Variants in XIST observed in about 807,000 individuals in gnomAD.
XIST encodes X inactive specific transcript (non-protein coding).
At chrX:73,842,690 A>C (rs1490903821) in exon 1 of XIST, 4 of 558,271 alleles carry the variant, frequency 7.2e-6, no homozygotes, top group Non-Finnish European at 1.3e-5. Flanking sequence ...TGCGAAAGGA[A>C]GTAGAGGGGT....
At chrX:73,829,175 G>T in exon 5 of XIST, 2 of 558,641 alleles carry the variant, frequency 3.6e-6, no homozygotes, top group Non-Finnish European at 6.5e-6. Context: ...TGAAGACTCA[G>T]CTCTCTGCAC....
chrX:73,844,403 G>C (rs1214380497), exon 1 of XIST: 1 of 556,618 alleles, frequency 1.8e-6, no homozygotes, highest in Non-Finnish European at 3.2e-6. Flanking sequence ...CCCTTATCTA[G>C]TACACAAGAA....
At chrX:73,852,535 T>C (rs779359072) in exon 1 of XIST, 18 of 530,289 alleles carry the variant, frequency 3.4e-5, no homozygotes, top group Non-Finnish European at 6.0e-5. Context: ...GGAGGACGTG[T>C]CAAGAAGACA....
intron 5 of XIST, chrX:73,828,709 A>T (rs1431959169): frequency 1.6e-5 from 2 of 124,568 alleles, no homozygotes; most frequent in African/African-American, 6.4e-5. Context: ...AACTGACGAC[A>T]GAGTCTCTCA....
exon 6 of XIST, chrX:73,827,383 C>T (rs749328226): frequency 4.7e-5 from 26 of 555,561 alleles, no homozygotes; most frequent in Non-Finnish European, 1.6e-5. Context: ...CATGAAGAGG[C>T]TGAAATACTC....
exon 1 of XIST, chrX:73,848,646 T>C (rs748676697): frequency 7.2e-6 from 4 of 556,539 alleles, no homozygotes; most frequent in African/African-American, 4.5e-5. Context: ...AGAGCTGTTA[T>C]TGAATAATCT....
At chrX:73,849,673 A>T (rs1922863710) in exon 1 of XIST, 1 of 558,443 alleles carries the variant, frequency 1.8e-6, no homozygotes, top group East Asian at 3.2e-5. Flanking sequence ...ATTAACTGAA[A>T]ATGGTCAAGG....
exon 1 of XIST, chrX:73,848,923 C>G (rs928817793): frequency 1.8e-6 from 1 of 554,471 alleles, no homozygotes; most frequent in African/African-American, 2.2e-5. Context: ...AGTGGGTCTT[C>G]TCTGTTACGC....
chrX:73,851,008 C>T, exon 1 of XIST: 1 of 559,535 alleles, frequency 1.8e-6, no homozygotes, highest in Non-Finnish European at 3.2e-6. Flanking sequence ...TGGCTAAAGA[C>T]AGCTGCGAAG....
At chrX:73,850,873 A>T in exon 1 of XIST, 1 of 542,898 alleles carries the variant, frequency 1.8e-6, no homozygotes, top group Non-Finnish European at 3.3e-6. Context: ...AGCACTGGAC[A>T]GGAGGGGACA....
At chrX:73,851,553 T>A (rs1418130779) in exon 1 of XIST, 1 of 559,129 alleles carries the variant, frequency 1.8e-6, no homozygotes, top group Non-Finnish European at 3.2e-6. Context: ...AATGTCAAAA[T>A]CGCCATTTTA....
At chrX:73,826,884 G>A in exon 6 of XIST, 1 of 558,677 alleles carries the variant, frequency 1.8e-6, no homozygotes, top group Non-Finnish European at 3.2e-6. Flanking sequence ...GGCCTTCCAT[G>A]TGTCCTGTCC....
At chrX:73,849,982 T>C (rs777902730) in exon 1 of XIST, 30 of 555,078 alleles carry the variant, frequency 5.4e-5, no homozygotes, top group Non-Finnish European at 9.7e-5. Context: ...AACGAAAAAT[T>C]GAAATACTCC....
At chrX:73,846,557 G>A (rs767117382) in exon 1 of XIST, 5 of 557,331 alleles carry the variant, frequency 9.0e-6, no homozygotes, top group African/African-American at 2.2e-5. Context: ...AGCAGTGTGC[G>A]ATTACGCACA....
At chrX:73,827,748 T>C in exon 6 of XIST, 1 of 545,822 alleles carries the variant, frequency 1.8e-6, no homozygotes, top group East Asian at 3.3e-5. Context: ...AAAGGAGACA[T>C]GAAATAAAGC....
exon 6 of XIST, chrX:73,826,745 G>A (rs759319563): frequency 7.2e-6 from 4 of 558,344 alleles, no homozygotes; most frequent in South Asian, 2.2e-5. Context: ...TACCTTTTTC[G>A]CTTGGGTCCT....
At chrX:73,842,566 C>G (rs751919661) in exon 1 of XIST, 1 of 558,870 alleles carries the variant, frequency 1.8e-6, no homozygotes, top group Non-Finnish European at 3.2e-6. Flanking sequence ...ACTGCACCAA[C>G]ACACCAAAGT....
At chrX:73,847,390 G>A in exon 1 of XIST, 1 of 513,761 alleles carries the variant, frequency 1.9e-6, no homozygotes, top group Non-Finnish European at 3.5e-6. Context: ...TGGGATTCCA[G>A]GGCAATTGTC....
exon 1 of XIST, chrX:73,851,476 G>A (rs901122832): frequency 1.8e-6 from 1 of 557,114 alleles, no homozygotes; most frequent in African/African-American, 2.2e-5. Context: ...TGAACACTGC[G>A]ACAGAACTGG....
Sources: allele counts gnomAD v4.1 joint callset, GRCh38; gene constraint gnomAD v4.1.1; transcripts MANE v1.5; gene names NCBI Gene and HGNC (gene_info 2026-07-23, HGNC 2026-07-21).